Variants in SLC19A1 observed in about 807,000 individuals in gnomAD.
The protein encoded by SLC19A1 is solute carrier family 19 member 1, also known as reduced folate transporter.
Under a neutral mutation model 35.3 loss-of-function variants are expected in SLC19A1, and 37 were observed. The observed-to-expected ratio is 1.05, with a 90% CI of 0.81 to 1.38. The LOEUF (loss-of-function observed/expected upper bound fraction) is 1.38. Ranked by LOEUF, SLC19A1 falls within the 40% of genes most tolerant of loss-of-function variation. SLC19A1 has a pLI of 0.00. For synonymous variants in SLC19A1, 460 were observed against 398.5 expected (o/e 1.15, Z -1.84); for missense variants, 831 against 826.9 (o/e 1.00, Z -0.06).
At position 45,514,606 on chromosome 21, in the gene SLC19A1, C is replaced by G. The variant is rs560482641; in HGVS notation, c.*1052G>C. ...TCAGCTCATGGGCACCAAGGCCCTGCGTGGGCTGGAGGCGGGAGAAGGCTG... is the reference window on the plus strand; with the variant it reads ...TCAGCTCATGGGCACCAAGGCCCTGGGTGGGCTGGAGGCGGGAGAAGGCTG... On this transcript the variant is annotated 3_prime_UTR_variant, in exon 6 of 6. Transcript: ENST00000311124. 2.6e-5 allele frequency: 5 copies of G among 188,908 alleles called. No homozygotes were observed. Among genetic ancestry groups the G allele is most frequent in the Non-Finnish European group, 4.3e-5 (4 of 92,766 alleles). The allele number at this position is 188,908 out of a possible 1,614,324, so 11.7% of individuals were successfully genotyped here. A position where few individuals can be genotyped will look rare whatever the true frequency, so the allele number is the denominator to read the frequency against.
Position 45,515,897 on chromosome 21 carries a change from G to C in SLC19A1, c.1537C>G (p.Pro513Ala). 6.4e-7 allele frequency: 1 copy of C among 1,554,058 alleles called. No individual in the cohort carries two copies. Residue 513 changes from proline (P) to alanine (A), a missense_variant, in exon 6 of 6, where the codon CCA (proline) becomes GCA (alanine). Pro to Ala is a conservative substitution (Grantham distance 27). Transcript: ENST00000311124. ...SPEDSLGAVG[P>A]ASLEQRQSDP... ...CTCTGTCTCTGCTCCAGGGAGGCTGGCCCCACAGCCCCCAGGCTGTCTTCT... is the reference window on the plus strand; with the variant it reads ...CTCTGTCTCTGCTCCAGGGAGGCTGCCCCCACAGCCCCCAGGCTGTCTTCT...
intron 3 of SLC19A1, chr21:45,507,558 C>T (rs1039409823): frequency 3.1e-6 from 5 of 1,612,146 alleles, no homozygotes; most frequent in East Asian, 2.2e-5. Context: ...TGCTTTCTTC[C>T]AGCTGGAGGC....
At chr21:45,516,600 C>T (rs889213244) in intron 5 of SLC19A1, among the ~76,000 whole-genome samples, 1 of 152,236 alleles carries the variant, frequency 6.6e-6, no homozygotes, top group Admixed American at 6.5e-5. Flanking sequence ...CAGCAGCCTG[C>T]ACATGGAGCC....
At chr21:45,543,074 G>A (rs1245860242), upstream of SLC19A1, among the ~76,000 whole-genome samples, 2 of 152,168 alleles carry the variant, frequency 1.3e-5, no homozygotes, top group Non-Finnish European at 2.9e-5. Context: ...CAAGGAGCAA[G>A]CCGGATCCAG....
At chr21:45,538,681 G>C (rs900595172) in intron 1 of SLC19A1, among the ~76,000 whole-genome samples, 2 of 152,208 alleles carry the variant, frequency 1.3e-5, no homozygotes, top group Admixed American at 6.5e-5. Flanking sequence ...GTTGAAACAC[G>C]CGTGGGAGGG....
At chr21:45,554,998 C>T (rs1392045451) in intron 1 of SLC19A1, among the ~76,000 whole-genome samples, 2 of 151,250 alleles carry the variant, frequency 1.3e-5, no homozygotes, top group Admixed American at 6.6e-5. Flanking sequence ...CGCCCAGGAG[C>T]ACGTCCAGGT....
downstream of SLC19A1, among the ~76,000 whole-genome samples, chr21:45,508,221 GGTGGATAGTGGGTAAGTGGGTGA>G (rs1277699177): frequency 6.7e-6 from 1 of 149,208 alleles, no homozygotes; most frequent in East Asian, 2.0e-4. Context: ...TGAATGGGTG[GGTGGATAGTGGGTAAGTGGGTGA>G]GTGGATGGTG....
chr21:45,523,663 G>A (rs2077505450), intron 5 of SLC19A1, among the ~76,000 whole-genome samples: 1 of 152,220 alleles, frequency 6.6e-6, no homozygotes, highest in Admixed American at 6.5e-5. Flanking sequence ...ACAAGAGGCA[G>A]TCACAGAGGG....
At position 45,531,681 on chromosome 21, in the gene SLC19A1, C is replaced by T. The variant is rs749376189; in HGVS notation, c.657G>A (p.Arg219=). Residue 219 remains arginine (R), a synonymous_variant, in exon 3 of 6, where the codon CGG becomes CGA. Coordinates refer to ENST00000311124, the MANE Select transcript of SLC19A1 (RefSeq NM_194255.4). Reference sequence around the variant, plus strand: ...CCAGCTCCGAAGCCGAGGTTTCGCACCGCCCCCGGTCGTCGCGGTTGAAGA... The same window carrying T: ...CCAGCTCCGAAGCCGAGGTTTCGCATCGCCCCCGGTCGTCGCGGTTGAAGA... ...SLFFNRDDRG[R]CETSASELER... The T allele has an allele frequency of 1.2e-6, 2 of 1,612,392 alleles. No individual in the cohort carries two copies. Among genetic ancestry groups the T allele is most frequent in the Non-Finnish European group, 1.7e-6 (2 of 1,179,776 alleles).
rs1257085093 is a variant in SLC19A1, at chr21:45,534,364, C to T, written c.190-2216G>A. On this transcript the variant is annotated intron_variant, in intron 2 of 5. Coordinates refer to ENST00000311124, the MANE Select transcript of SLC19A1 (RefSeq NM_194255.4). This position sits in a 1 kb window ranked among gnomAD's most constrained non-coding sequence, Gnocchi z 4.2. The stretch of plus-strand genomic sequence containing the variant: ...GTCCTCCTAGGACCTCAGGGACCCC[C>T]GACCCCCAGACACAGGAGGCTGCGT... Among the ~76,000 whole-genome samples the T allele has an allele frequency of 1.3e-5, 2 of 152,158 alleles. No homozygotes were observed. The highest frequency in any genetic ancestry group is 1.3e-4 in the Admixed American group (2 of 15,286).
chr21:45,512,537 C>A, downstream of SLC19A1: 1 of 764,700 alleles, frequency 1.3e-6, no homozygotes, highest in Non-Finnish European at 2.1e-6. Context: ...TTCATGTAAT[C>A]CTCAAGAAAT....
chr21:45,546,405 G>T (rs1019694595), upstream of SLC19A1, among the ~76,000 whole-genome samples: 1 of 152,248 alleles, frequency 6.6e-6, no homozygotes, highest in Non-Finnish European at 1.5e-5. Flanking sequence ...TTCCCTGGAA[G>T]GGTGTCCCAC....
At chr21:45,526,221 T>C (rs1457045675) in intron 4 of SLC19A1, among the ~76,000 whole-genome samples, 4 of 152,218 alleles carry the variant, frequency 2.6e-5, no homozygotes, top group Admixed American at 2.6e-4. Context: ...TGAGGGTCCC[T>C]TATCCAAAAT....
At chr21:45,508,192 G>A (rs1196566916), downstream of SLC19A1, among the ~76,000 whole-genome samples, 1 of 151,314 alleles carries the variant, frequency 6.6e-6, no homozygotes, top group Non-Finnish European at 1.5e-5. Flanking sequence ...GATGGATGGT[G>A]GACAGGTGGG....
intron 1 of SLC19A1, among the ~76,000 whole-genome samples, chr21:45,553,054 A>G (rs993121039): frequency 6.6e-6 from 1 of 151,904 alleles, no homozygotes; most frequent in South Asian, 2.1e-4. Flanking sequence ...CACTAAAACA[A>G]GACTCCACCG....
At chr21:45,543,334 C>A (rs965821700), upstream of SLC19A1, among the ~76,000 whole-genome samples, 1 of 152,238 alleles carries the variant, frequency 6.6e-6, no homozygotes, top group Non-Finnish European at 1.5e-5. Flanking sequence ...GGAGGGAAGC[C>A]AAGCCGAGGG....
intron 3 of SLC19A1, chr21:45,505,228 G>A (rs1317433862): frequency 6.3e-7 from 1 of 1,593,578 alleles, no homozygotes; most frequent in Non-Finnish European, 8.6e-7. Context: ...GGCCCTCCCG[G>A]CCCCCCAGGC....
chr21:45,542,467 C>G (rs969480481), upstream of SLC19A1: 1 of 150,866 alleles, frequency 6.6e-6, no homozygotes, highest in East Asian at 2.0e-4. Context: ...GGCGGGCGCG[C>G]GGCTGCGGGG....
upstream of SLC19A1, among the ~76,000 whole-genome samples, chr21:45,545,919 T>C (rs557792774): frequency 1.3e-5 from 2 of 152,340 alleles, no homozygotes; most frequent in East Asian, 3.9e-4. Flanking sequence ...CTTACCTGGC[T>C]TGCTGGCCAG....
Sources: allele counts gnomAD v4.1 joint callset (sites outside exome capture counted in the v4.1 genomes callset), GRCh38; gene constraint gnomAD v4.1.1; non-coding constraint Gnocchi (gnomAD v3.1); transcripts MANE v1.5; gene names NCBI Gene and HGNC (gene_info 2026-07-23, HGNC 2026-07-21).